Variants in CD6 observed in about 807,000 individuals in gnomAD.
CD6 encodes the protein T-cell differentiation antigen CD6.
Under a neutral mutation model 75.3 loss-of-function variants are expected in CD6, and 53 were observed. The ratio of observed to expected loss-of-function variants is 0.70; its 90% CI spans 0.56 to 0.88. CD6 has a LOEUF of 0.88. Ranked by LOEUF, CD6 falls within the 40% of genes least tolerant of loss-of-function variation. The pLI is 0.00. For missense variants in CD6, 770 were observed against 897.1 expected (o/e 0.86, Z 1.81); for synonymous variants, 359 against 381.5 (o/e 0.94, Z 0.69).
At chr11:60,972,063 G>T in intron 1 of CD6, 149 bp downstream of exon 1, 1 of 808,082 alleles carries the variant, frequency 1.2e-6, no homozygotes, top group African/African-American at 1.7e-5. Flanking sequence ...TCCAGCATCT[G>T]GGGCTAGGAG....
intron 1 of CD6, among the ~76,000 whole-genome samples, chr11:60,999,083 G>A (rs3016178): frequency 0.34 from 52,236 of 151,750 alleles, 9,727 homozygotes; most frequent in East Asian, 0.56. Flanking sequence ...GCTTGAACTC[G>A]GGAGGCGGAG....
intron 4 of CD6, among the ~76,000 whole-genome samples, chr11:61,009,127 C>T (rs1213987391): frequency 2.0e-5 from 3 of 152,128 alleles, no homozygotes; most frequent in Non-Finnish European, 4.4e-5. Flanking sequence ...AGACTCTTCC[C>T]GAGTGGGAGT....
At chr11:61,012,113 G>A (rs1014350240) in intron 6 of CD6, among the ~76,000 whole-genome samples, 1 of 152,192 alleles carries the variant, frequency 6.6e-6, no homozygotes, top group Non-Finnish European at 1.5e-5. Flanking sequence ...CAGTGAACAG[G>A]GGTTTGGGGA....
intron 1 of CD6, chr11:60,988,147 A>AG (rs1486927940): frequency 6.6e-6 from 1 of 152,252 alleles, no homozygotes; most frequent in Non-Finnish European, 1.5e-5. Context: ...GCCTTGGGCA[A>AG]GTCATTTCAT....
In CD6 at chr11:61,013,921, C is replaced by T; in HGVS notation, c.1294C>T (p.Leu432Phe). The part of the protein sequence containing the change: ...ILLRIKGKYA[L>F]PVMVNHQHLP... ...AATTTCTGCCTCCCCTCCCTCAGCC[C>T]TCCCCGTAATGGTGAACCACCAGCA... is the stretch of plus-strand genomic sequence containing the variant. Residue 432 changes from leucine to phenylalanine, a missense_variant and splice_region_variant, in exon 8 of 13, where the codon CTC (leucine) becomes TTC (phenylalanine). By Grantham distance (22) the Leu-to-Phe change is conservative. Transcript: ENST00000313421. 1 of 1,605,888 alleles carries T rather than the reference C, an allele frequency of 6.2e-7. No individual in the cohort carries two copies. The highest frequency in any genetic ancestry group is 8.5e-7 in the Non-Finnish European group (1 of 1,176,212).
In CD6 at chr11:61,009,875, G is replaced by A; in HGVS notation, c.1084+1G>A. The A allele has an allele frequency of 6.5e-7, 1 of 1,543,028 alleles. No individual in the cohort carries two copies. The highest frequency in any genetic ancestry group is 8.7e-7 in the Non-Finnish European group (1 of 1,144,574). The stretch of plus-strand genomic sequence containing the variant: ...CTGGCAGCCAGGGTCCTCTGCTCAG[G>A]TACCCCATCCTACTCCACCCCCCCA... On this transcript the variant is annotated splice_donor_variant, in intron 5 of 12. Coordinates refer to ENST00000313421, the MANE Select transcript of CD6 (RefSeq NM_006725.5). LOFTEE classifies it high-confidence loss of function.
intron 1 of CD6, among the ~76,000 whole-genome samples, chr11:60,985,536 A>G (rs969959011): frequency 1.3e-5 from 2 of 151,708 alleles, no homozygotes; most frequent in Admixed American, 6.6e-5. Flanking sequence ...ATCTGTCACT[A>G]TCATGTATCT....
chr11:60,975,564 G>A (rs1325905521), intron 1 of CD6, among the ~76,000 whole-genome samples: 1 of 152,158 alleles, frequency 6.6e-6, no homozygotes, highest in Non-Finnish European at 1.5e-5. Context: ...ACTTTGGGAG[G>A]CCAAGGCAGG....
In CD6 at chr11:61,007,290, G is replaced by A. The variant is rs982707310; in HGVS notation, c.119-270G>A. Among the ~76,000 whole-genome samples the A allele has an allele frequency of 1.3e-5, 2 of 152,116 alleles. No homozygotes were observed. The highest frequency in any genetic ancestry group is 2.9e-5 in the Non-Finnish European group (2 of 68,002). On this transcript the variant is annotated intron_variant, in intron 2 of 12. Transcript: ENST00000313421. This position sits in a 1 kb window ranked among gnomAD's most constrained non-coding sequence, Gnocchi z 4.2. ...AGGAGCAAGTGAGGAGGGTTTCTAG[G>A]GGGCTGGACCCCTAGTTGTCTGTCA...
chr11:61,010,851 A>G (rs1442548427), intron 5 of CD6, among the ~76,000 whole-genome samples: 1 of 152,194 alleles, frequency 6.6e-6, no homozygotes, highest in African/African-American at 2.4e-5. Context: ...CCTTTATTTT[A>G]ACCAAAGAGC....
In CD6 at chr11:61,017,949, G is replaced by A. The variant is rs532824107; in HGVS notation, c.1773G>A (p.Glu591=). The A allele has an allele frequency of 6.2e-7, 1 of 1,613,780 alleles. No homozygotes were observed. Among genetic ancestry groups the A allele is most frequent in the South Asian group, 1.1e-5 (1 of 91,080 alleles). The change falls in exon 11 of 13, where the codon GAG becomes GAA. Residue 591 remains glutamate (E), a synonymous_variant. Coordinates refer to ENST00000313421, the MANE Select transcript of CD6 (RefSeq NM_006725.5). ...GGAACCCCCAGGTGTTTTCTTCAGA[G>A]AGGAGTTCCTTCCTGGAGCAGCCCC... ...PPWNPQVFSS[E]RSSFLEQPPN... is the part of the protein sequence containing the mutation.
At chr11:61,008,318 A>T in intron 3 of CD6, 1 of 552,808 alleles carries the variant, frequency 1.8e-6, no homozygotes, top group South Asian at 2.8e-5. Context: ...CCTGCCCTCC[A>T]GGCCCCGCCC....
In CD6 at chr11:61,018,295, C is replaced by G. The variant is rs1304072187; in HGVS notation, c.1844C>G (p.Pro615Arg). ...TGGTTCTGGGGGTTTCCAGCAGGGC[C>G]CCCGGCTGATGACAGCTCCAGCACC... ...AGTQPAFSAG[P>R]PADDSSSTSS... The change falls in exon 12 of 13, where the codon CCC becomes CGC. Residue 615 changes from proline (P) to arginine (R), a missense_variant. Pro to Arg is a moderately radical substitution (Grantham distance 103). Coordinates refer to ENST00000313421, the MANE Select transcript of CD6 (RefSeq NM_006725.5). 6.3e-7 allele frequency: 1 copy of G among 1,599,258 alleles called. No homozygotes were observed. Among genetic ancestry groups the G allele is most frequent in the South Asian group, 1.1e-5 (1 of 88,582 alleles).
chr11:61,017,547 G>A lies in CD6; in HGVS notation c.1579G>A (p.Glu527Lys). Reference sequence around the variant, plus strand: ...CAGGTTCCAGATGCCACCCTTGGAGGAAGGTGAGTCAGGATGGGAAGGGGT... The same window carrying A: ...CAGGTTCCAGATGCCACCCTTGGAGAAAGGTGAGTCAGGATGGGAAGGGGT... ...QSRFQMPPLE[E>K]GLEELHASHI... The change falls in exon 10 of 13, where the codon GAA becomes AAA. Residue 527 changes from glutamate to lysine, a missense_variant. Glu to Lys is a moderately conservative substitution (Grantham distance 56, BLOSUM62 1). Transcript: ENST00000313421. The A allele has an allele frequency of 6.4e-7, 1 of 1,556,866 alleles. No homozygotes were observed. The highest frequency in any genetic ancestry group is 8.7e-7 in the Non-Finnish European group (1 of 1,149,734).
At chr11:61,003,877 G>T (rs184097384) in intron 1 of CD6, among the ~76,000 whole-genome samples, 193 of 152,346 alleles carry the variant, frequency 1.3e-3, no homozygotes, top group African/African-American at 4.6e-3. Flanking sequence ...AGAGAAGCCA[G>T]GTTCCCTTCT....
intron 1 of CD6, among the ~76,000 whole-genome samples, chr11:60,972,469 C>A (rs1191277037): frequency 6.6e-6 from 1 of 152,176 alleles, no homozygotes; most frequent in Non-Finnish European, 1.5e-5. Context: ...ATGAAGGCCA[C>A]CCCCACGTCT....
At chr11:60,972,256 A>C (rs992500707) in intron 1 of CD6, among the ~76,000 whole-genome samples, 3 of 152,208 alleles carry the variant, frequency 2.0e-5, no homozygotes, top group Non-Finnish European at 4.4e-5. Flanking sequence ...CTTAAGAAGG[A>C]ACCGTTCACC....
intron 1 of CD6, among the ~76,000 whole-genome samples, chr11:60,993,158 T>C (rs1858135656): frequency 6.6e-6 from 1 of 152,120 alleles, no homozygotes; most frequent in South Asian, 2.1e-4. Flanking sequence ...TTAGAGGAAC[T>C]CCTGTTACCA....
chr11:60,992,401 T>C (rs2135080643), intron 1 of CD6, among the ~76,000 whole-genome samples: 1 of 151,588 alleles, frequency 6.6e-6, no homozygotes, highest in South Asian at 2.1e-4. Context: ...TCGCCCAGGG[T>C]CACACTATAG....
Sources: gnomAD v4.1 joint callset for allele counts (sites outside exome capture counted in the v4.1 genomes callset) on GRCh38, gnomAD v4.1.1 for gene constraint, Gnocchi (gnomAD v3.1) non-coding constraint, MANE v1.5 for transcripts, NCBI Gene and HGNC (gene_info 2026-07-23, HGNC 2026-07-21) for gene names.